Variants in FANCC observed in about 807,000 individuals in gnomAD.
FANCC encodes Fanconi anemia group C protein.
In FANCC, 55 loss-of-function variants were observed where a neutral mutation model predicts 71.3. That is an observed-to-expected ratio of 0.77 (90% CI 0.62 to 0.97). FANCC has a LOEUF of 0.97. Ranked by LOEUF, FANCC falls within the 50% of genes least tolerant of loss-of-function variation. The pLI, the probability that FANCC is intolerant of heterozygous loss-of-function variation, is 0.00. For missense variants in FANCC, 678 were observed against 670.9 expected, an observed-to-expected ratio of 1.01 and a Z score of -0.12; for synonymous variants, 275 against 244.9, an observed-to-expected ratio of 1.12 and a Z score of -1.15.
intron 7 of FANCC, among the ~76,000 whole-genome samples, chr9:95,139,213 A>G (rs1403527667): frequency 6.6e-6 from 1 of 152,178 alleles, no homozygotes. Flanking sequence ...CATCTAATTA[A>G]CAGTAAAGGA....
intron 7 of FANCC, chr9:95,142,335 GC>G (rs1828884337): frequency 6.5e-6 from 1 of 152,914 alleles, no homozygotes; most frequent in Non-Finnish European, 1.5e-5. Flanking sequence ...TTGCTACATT[GC>G]CCAGGCTGGA....
chr9:95,295,934 T>C (rs1360562316), intron 1 of FANCC, among the ~76,000 whole-genome samples: 1 of 152,190 alleles, frequency 6.6e-6, no homozygotes, highest in East Asian at 1.9e-4. Context: ...TTATGCTGTA[T>C]AGTAAAAATG....
At chr9:95,284,740 T>C (rs1329547567) in intron 1 of FANCC, among the ~76,000 whole-genome samples, 1 of 152,062 alleles carries the variant, frequency 6.6e-6, no homozygotes, top group South Asian at 2.1e-4. Flanking sequence ...CACAATGATA[T>C]GTACCAGTCT....
At chr9:95,232,634 A>T (rs943448271) in intron 4 of FANCC, among the ~76,000 whole-genome samples, 4 of 152,186 alleles carry the variant, frequency 2.6e-5, no homozygotes, top group Admixed American at 6.5e-5. Context: ...TGCCCCAAAC[A>T]ATGTTATCTC....
At chr9:95,294,759 C>G (rs1177041367) in intron 1 of FANCC, 3 of 1,590,318 alleles carry the variant, frequency 1.9e-6, no homozygotes, top group Non-Finnish European at 2.6e-6. Context: ...CTCAGTTCAG[C>G]TCTGTAGAAA....
chr9:95,171,934 T>C (rs1045580194), intron 5 of FANCC, 103 bp downstream of exon 5: 54 of 771,650 alleles, frequency 7.0e-5, no homozygotes, highest in Non-Finnish European at 1.2e-4. Context: ...CAAAGAAAAG[T>C]TAAACATCTC....
intron 1 of FANCC, among the ~76,000 whole-genome samples, chr9:95,249,615 T>G (rs578116586): frequency 6.6e-6 from 1 of 152,310 alleles, no homozygotes; most frequent in Admixed American, 6.5e-5. Flanking sequence ...ACACGCTAAT[T>G]ATGCACAAAA....
At chr9:95,205,209 T>C (rs1328022807) in intron 4 of FANCC, among the ~76,000 whole-genome samples, 1 of 152,210 alleles carries the variant, frequency 6.6e-6, no homozygotes, top group East Asian at 1.9e-4. Flanking sequence ...TAAATTCTAA[T>C]TGTTAGCAAT....
intron 1 of FANCC, among the ~76,000 whole-genome samples, chr9:95,278,738 T>C (rs1050252724): frequency 5.3e-5 from 8 of 152,088 alleles, no homozygotes; most frequent in Admixed American, 5.2e-4. Flanking sequence ...ATCATATGTA[T>C]AGGACATAAG....
chr9:95,111,661 G>C (rs770847370), intron 12 of FANCC, 24 bp from the exon 13 acceptor site: 1 of 1,613,952 alleles, frequency 6.2e-7, no homozygotes, highest in South Asian at 1.1e-5. Flanking sequence ...AGAACACATG[G>C]CAGTTGACAA....
At chr9:95,126,784 A>T in intron 8 of FANCC, 1 of 589,850 alleles carries the variant, frequency 1.7e-6, no homozygotes, top group Non-Finnish European at 3.1e-6. Flanking sequence ...CAGGGGTTAC[A>T]GGCAGCTTAT....
intron 6 of FANCC, among the ~76,000 whole-genome samples, chr9:95,168,112 C>G (rs934760117): frequency 2.0e-5 from 3 of 152,150 alleles, no homozygotes; most frequent in Admixed American, 6.6e-5. Context: ...TTCCCCTCCC[C>G]TCTAGTGTCC....
intron 10 of FANCC, chr9:95,123,250 G>A (rs1470419089): frequency 7.9e-6 from 2 of 252,626 alleles, no homozygotes; most frequent in African/African-American, 4.7e-5. Context: ...GCTGCAGTGA[G>A]CCATGATCAT....
At chr9:95,294,470 T>C in intron 1 of FANCC, 1 of 1,598,146 alleles carries the variant, frequency 6.3e-7, no homozygotes, top group Non-Finnish European at 8.6e-7. Flanking sequence ...TTAAACTTTT[T>C]CTTAGACAGT....
intron 1 of FANCC, among the ~76,000 whole-genome samples, chr9:95,280,252 A>C (rs1434719257): frequency 1.3e-5 from 2 of 152,210 alleles, no homozygotes; most frequent in African/African-American, 4.8e-5. Context: ...CATTATAAAC[A>C]TACACAACTA....
chr9:95,163,446 A>T (rs1303340085), intron 6 of FANCC, among the ~76,000 whole-genome samples: 1 of 152,226 alleles, frequency 6.6e-6, no homozygotes, highest in Non-Finnish European at 1.5e-5. Flanking sequence ...ACATTAAAGG[A>T]TTCTTTTTCT....
chr9:95,149,883 G>C (rs1564697268), intron 7 of FANCC, 40 bp downstream of exon 7: 1 of 1,561,654 alleles, frequency 6.4e-7, no homozygotes, highest in South Asian at 1.2e-5. Flanking sequence ...CTAAGAAAAG[G>C]AAAAACGACG....
intron 7 of FANCC, among the ~76,000 whole-genome samples, chr9:95,141,309 C>A (rs1828636078): frequency 3.6e-5 from 2 of 55,750 alleles, no homozygotes; most frequent in East Asian, 6.3e-4. Context: ...GAGACCCTGT[C>A]TCAAAAAAAA....
At chr9:95,102,307 T>C (rs1179597403) in intron 14 of FANCC, among the ~76,000 whole-genome samples, 2 of 152,224 alleles carry the variant, frequency 1.3e-5, no homozygotes, top group Admixed American at 1.3e-4. Flanking sequence ...CTGGCATCCC[T>C]GGGCTAGCAA....
Sources: gnomAD v4.1 joint callset for allele counts (sites outside exome capture counted in the v4.1 genomes callset) on GRCh38, gnomAD v4.1.1 for gene constraint, MANE v1.5 for transcripts, NCBI Gene and HGNC (gene_info 2026-07-23, HGNC 2026-07-21) for gene names.